The following ALG6 variants were observed in gnomAD, a reference collection of about 807,000 sequenced individuals.
ALG6 encodes dolichyl pyrophosphate Man9GlcNAc2 alpha-1,3-glucosyltransferase.
In ALG6, 46 loss-of-function variants were observed where a neutral mutation model predicts 66.6. The observed-to-expected ratio is 0.69, with a 90% CI of 0.55 to 0.88. The LOEUF (loss-of-function observed/expected upper bound fraction) is 0.88, where lower values mean the gene tolerates loss of function less well. Among genes scored for constraint, ALG6 ranks in the 40% least tolerant of loss-of-function variants. The probability of loss-of-function intolerance (pLI) is 0.00; values close to 1 mark genes in which losing one functional copy is unlikely to be tolerated. For missense variants in ALG6, 505 were observed against 586.8 expected (o/e 0.86, Z 1.44); for synonymous variants, 185 against 203.7 (o/e 0.91, Z 0.78).
At chr1:63,429,148 T>C in intron 14 of ALG6, 22 bp downstream of exon 14, 1 of 1,530,170 alleles carries the variant, frequency 6.5e-7, no homozygotes. Context: ...TTTTAAGAAA[T>C]GACACATTTT....
intron 3 of ALG6, among the ~76,000 whole-genome samples, chr1:63,398,558 C>T (rs1342885994): frequency 3.3e-5 from 5 of 152,148 alleles, no homozygotes; most frequent in East Asian, 1.9e-4. Flanking sequence ...CTGCAAGCTC[C>T]GCCTCCCAGG....
At chr1:63,408,542 G>C (rs1644501057) in intron 7 of ALG6, among the ~76,000 whole-genome samples, 1 of 152,152 alleles carries the variant, frequency 6.6e-6, no homozygotes, top group Non-Finnish European at 1.5e-5. Context: ...AAGTGGAATT[G>C]TTGAGTTATA....
In ALG6 at chr1:63,397,778, G is replaced by A. The variant is rs141947822; in HGVS notation, c.167+1181G>A. 5.3e-4 allele frequency among the ~76,000 whole-genome samples: 81 copies of A among 152,224 alleles called. 1 individual carries two copies. Among genetic ancestry groups the A allele is most frequent in the African/African-American group, 1.9e-3 (77 of 41,536 alleles). ...TCAGACTGTCTGAGTTCAGATCCCA[G>A]CTCTACTATTTATTAGCTGTGTGAC... On this transcript the variant is annotated intron_variant, in intron 3 of 14. Coordinates refer to ENST00000263440, the MANE Select transcript of ALG6 (RefSeq NM_013339.4).
Position 63,416,994 on chromosome 1 carries a change from A to C in ALG6, c.987+1037A>C, listed in dbSNP as rs967167093. ...AAGCCAGAAAAGAACATAACAGCGAAATACTTCAAAAGTGCATCTCATTAC... is the reference window on the plus strand; with the variant it reads ...AAGCCAGAAAAGAACATAACAGCGACATACTTCAAAAGTGCATCTCATTAC... On this transcript the variant is annotated intron_variant, in intron 11 of 14. Transcript: ENST00000263440. Among the ~76,000 whole-genome samples, 8 of 152,202 alleles carry C rather than the reference A, an allele frequency of 5.3e-5. No homozygotes were observed. In the South Asian group the frequency reaches 1.4e-3, roughly 28 times the overall value.
In ALG6 at chr1:63,400,336, CGTATATATATAT is replaced by C. The variant is rs1397702873; in HGVS notation, c.168-1895_168-1884del. On this transcript the variant is annotated intron_variant, in intron 3 of 14. Coordinates refer to ENST00000263440, the MANE Select transcript of ALG6 (RefSeq NM_013339.4). Reference sequence around the variant, plus strand: ...ATATATATACGTATATATATATATACGTATATATATATGTATATATATATGTATATATATGTA... The same window carrying C: ...ATATATATACGTATATATATATATACGTATATATATATGTATATATATGTA... Among the ~76,000 whole-genome samples, 6 of 19,606 alleles carry C rather than the reference CGTATATATATAT, an allele frequency of 3.1e-4. 1 individual carries two copies. Among genetic ancestry groups the C allele is most frequent in the Non-Finnish European group, 3.8e-4 (4 of 10,450 alleles). 12.9% of individuals were successfully genotyped at this position (19,606 alleles called of 152,430 possible).
At chr1:63,373,258 C>T (rs1479688805) in intron 2 of ALG6, among the ~76,000 whole-genome samples, 2 of 151,778 alleles carry the variant, frequency 1.3e-5, no homozygotes, top group Admixed American at 1.3e-4. Context: ...CTGCCTGCCC[C>T]AGCCTCCCAA....
At chr1:63,418,280 TTA>T (rs1644555297) in intron 11 of ALG6, among the ~76,000 whole-genome samples, 1 of 148,030 alleles carries the variant, frequency 6.8e-6, no homozygotes, top group Admixed American at 6.8e-5. Flanking sequence ...AATATTAAAT[TTA>T]ATAATTTAAT....
At chr1:63,378,537 T>C (rs1011247371) in intron 2 of ALG6, among the ~76,000 whole-genome samples, 1 of 152,188 alleles carries the variant, frequency 6.6e-6, no homozygotes, top group Non-Finnish European at 1.5e-5. Flanking sequence ...TGATTAGATA[T>C]ATGTTGGATC....
chr1:63,414,960 G>T (rs1190145181), intron 10 of ALG6, among the ~76,000 whole-genome samples: 2 of 152,204 alleles, frequency 1.3e-5, no homozygotes, highest in African/African-American at 4.8e-5. Context: ...ATTTGATTAA[G>T]TTAGGCGCCT....
chr1:63,406,238 T>C (rs1644489341), intron 5 of ALG6, 79 bp from the exon 6 acceptor site: 3 of 1,246,090 alleles, frequency 2.4e-6, no homozygotes, highest in Middle Eastern at 2.0e-4. Flanking sequence ...ATTCTCAATG[T>C]TGGAGGAAGG....
Position 63,428,941 on chromosome 1 carries a change from CTAT to C in ALG6, c.1143_1145del (p.Leu382del). The C allele has an allele frequency of 1.9e-6, 3 of 1,613,184 alleles. No individual in the cohort carries two copies. Among genetic ancestry groups the C allele is most frequent in the Non-Finnish European group, 2.5e-6 (3 of 1,179,598 alleles). ...TTTCCTTTACAGTATGCTACCTCTT[CTAT>C]TGAAGGATGAACTCCTAATGCCCTC... On this transcript the variant is annotated inframe_deletion, in exon 14 of 15. Coordinates refer to ENST00000263440, the MANE Select transcript of ALG6 (RefSeq NM_013339.4).
intron 2 of ALG6, among the ~76,000 whole-genome samples, chr1:63,385,115 T>G (rs995667554): frequency 2.0e-5 from 3 of 151,614 alleles, no homozygotes; most frequent in African/African-American, 4.8e-5. Context: ...GAACATGGAA[T>G]ATTTTCCCAT....
intron 2 of ALG6, among the ~76,000 whole-genome samples, chr1:63,383,524 T>C (rs1165213994): frequency 6.6e-6 from 1 of 152,156 alleles, no homozygotes; most frequent in Non-Finnish European, 1.5e-5. Flanking sequence ...CAAGTGATCC[T>C]CCTACCTCAG....
chr1:63,385,598 T>C (rs1648480308), intron 2 of ALG6, among the ~76,000 whole-genome samples: 1 of 152,238 alleles, frequency 6.6e-6, no homozygotes, highest in Admixed American at 6.5e-5. Context: ...AATGAGATTT[T>C]TCAAATTTCT....
At chr1:63,371,628 G>A (rs886585266) in intron 2 of ALG6, among the ~76,000 whole-genome samples, 5 of 150,460 alleles carry the variant, frequency 3.3e-5, no homozygotes, top group East Asian at 2.0e-4. Context: ...TTTTTGATAC[G>A]GAGCCTCGCT....
At chr1:63,395,463 A>G (rs559145878) in intron 2 of ALG6, among the ~76,000 whole-genome samples, 1 of 152,286 alleles carries the variant, frequency 6.6e-6, no homozygotes, top group East Asian at 1.9e-4. Flanking sequence ...TGGGAGGTCG[A>G]GGCAGGCAGA....
chr1:63,394,603 C>T (rs1292823898), intron 2 of ALG6, among the ~76,000 whole-genome samples: 2 of 152,062 alleles, frequency 1.3e-5, no homozygotes, highest in South Asian at 2.1e-4. Flanking sequence ...CTCTTGACCT[C>T]GTGATCCACC....
At chr1:63,423,472 C>T (rs1472432385) in intron 12 of ALG6, among the ~76,000 whole-genome samples, 1 of 152,166 alleles carries the variant, frequency 6.6e-6, no homozygotes, top group Admixed American at 6.5e-5. Context: ...TCTTCATCAC[C>T]GCAAAAGGAA....
chr1:63,401,405 C>T (rs1040822484), intron 3 of ALG6, among the ~76,000 whole-genome samples: 1 of 152,030 alleles, frequency 6.6e-6, no homozygotes, highest in Non-Finnish European at 1.5e-5. Flanking sequence ...GTGGCTCACC[C>T]CTGTAATCGC....
Sources: allele counts gnomAD v4.1 joint callset (sites outside exome capture counted in the v4.1 genomes callset), GRCh38; gene constraint gnomAD v4.1.1; transcripts MANE v1.5; gene names NCBI Gene and HGNC (gene_info 2026-07-23, HGNC 2026-07-21).